Variants in PCDHA1 observed in about 807,000 individuals in gnomAD.
The protein encoded by PCDHA1 is protocadherin alpha-1.
In PCDHA1, 42 loss-of-function variants were observed where a neutral mutation model predicts 61.3. That is an observed-to-expected ratio of 0.69 (90% CI 0.54 to 0.89). The LOEUF (loss-of-function observed/expected upper bound fraction) is 0.89. Among genes scored for constraint, PCDHA1 ranks in the 40% least tolerant of loss-of-function variants. PCDHA1 has a pLI of 0.00. For missense variants in PCDHA1, 1,256 were observed against 1,235.3 expected (o/e 1.02, Z -0.25); for synonymous variants, 610 against 553.8 (o/e 1.10, Z -1.43).
intron 1 of PCDHA1, among the ~76,000 whole-genome samples, chr5:140,819,103 C>T (rs1554127603): frequency 1.3e-5 from 2 of 152,186 alleles, no homozygotes; most frequent in Admixed American, 6.5e-5. Flanking sequence ...ATTATATGCT[C>T]ATGGTATCCT....
chr5:140,883,412 A>G, intron 1 of PCDHA1: 1 of 1,614,152 alleles, frequency 6.2e-7, no homozygotes, highest in African/African-American at 1.3e-5. Context: ...CTCTGGCTCA[A>G]ATGGACAGGT....
At chr5:140,803,807 T>C in intron 1 of PCDHA1, 2 of 748,910 alleles carry the variant, frequency 2.7e-6, no homozygotes, top group Non-Finnish European at 4.2e-6. Flanking sequence ...CTTGTAATTT[T>C]GTTTTGTTAT....
At chr5:140,819,483 A>C (rs1319198819) in intron 1 of PCDHA1, among the ~76,000 whole-genome samples, 1 of 152,184 alleles carries the variant, frequency 6.6e-6, no homozygotes, top group Non-Finnish European at 1.5e-5. Flanking sequence ...AATGATGCTT[A>C]AACATGACTG....
intron 1 of PCDHA1, chr5:140,836,978 G>A (rs1774847497): frequency 2.7e-6 from 1 of 370,178 alleles, no homozygotes; most frequent in Admixed American, 4.2e-5. Context: ...TCCATTTTTG[G>A]AGGAGGACTT....
At chr5:140,829,864 G>A in intron 1 of PCDHA1, 3 of 1,613,940 alleles carry the variant, frequency 1.9e-6, no homozygotes, top group Non-Finnish European at 2.5e-6. Flanking sequence ...GCCAAGTGGT[G>A]GCGAAGGTGC....
intron 1 of PCDHA1, chr5:140,801,838 CA>C (rs1762797239): frequency 1.2e-6 from 2 of 1,613,866 alleles, no homozygotes. Context: ...CTAATAACAG[CA>C]ATTGATGGTG....
At chr5:140,879,512 G>C (rs1378276808) in intron 1 of PCDHA1, among the ~76,000 whole-genome samples, 1 of 152,156 alleles carries the variant, frequency 6.6e-6, no homozygotes, top group Non-Finnish European at 1.5e-5. Flanking sequence ...AGAGATTATT[G>C]ATATAGATTT....
chr5:140,823,731 C>A, intron 1 of PCDHA1: 1 of 1,613,874 alleles, frequency 6.2e-7, no homozygotes, highest in Non-Finnish European at 8.5e-7. Context: ...TGGTGAAGGA[C>A]CATGGAGAGC....
chr5:140,859,512 T>A, intron 1 of PCDHA1: 1 of 196,766 alleles, frequency 5.1e-6, no homozygotes, highest in South Asian at 1.4e-4. Context: ...TACCCATGAT[T>A]TCATTTTTAA....
rs111298048 is a variant in PCDHA1 at position 140,841,325 on chromosome 5, G to A, written c.2394+52641G>A. ...TGATAGGAAACGACTATTTAACATG[G>A]ATTATCACTGGCGAGGAGAGCTGGG... On this transcript the variant is annotated intron_variant, in intron 1 of 3. Coordinates refer to ENST00000504120, the MANE Select transcript of PCDHA1 (RefSeq NM_018900.4). 9,405 of 1,608,142 alleles carry A rather than the reference G, an allele frequency of 5.8e-3. 135 individuals are homozygous for A. Among genetic ancestry groups the A allele is most frequent in the Non-Finnish European group, 7.0e-3 (8,183 of 1,176,604 alleles).
At chr5:140,807,076 T>G in intron 1 of PCDHA1, 3 of 1,236,862 alleles carry the variant, frequency 2.4e-6, no homozygotes, top group Non-Finnish European at 3.4e-6. Context: ...CCATATACAC[T>G]CTTTGGAGTC....
chr5:140,861,421 T>C, intron 1 of PCDHA1: 2 of 481,940 alleles, frequency 4.1e-6, no homozygotes, highest in South Asian at 3.2e-5. Context: ...CCGCGCCTGT[T>C]TCAGTTGGAT....
chr5:140,860,414 C>T (rs1180297544), intron 1 of PCDHA1: 1 of 152,016 alleles, frequency 6.6e-6, no homozygotes, highest in Non-Finnish European at 1.5e-5. Flanking sequence ...ATAGTAACAC[C>T]ATTATCCTGC....
Position 140,926,837 on chromosome 5 carries a change from G to A in PCDHA1, c.2395-52112G>A, listed in dbSNP as rs1170899993. 11 of 1,513,410 alleles carry A rather than the reference G, an allele frequency of 7.3e-6. No individual in the cohort carries two copies. In the African/African-American group the frequency reaches 1.4e-4, roughly 19 times the overall value. 93.7% of individuals were successfully genotyped at this position (1,513,410 alleles called of 1,614,324 possible). ...GTGCTCTCCAGGAGTCCGGAGCATG[G>A]TCCTGGGTCACCGTTGGTGTAGCGT... On this transcript the variant is annotated intron_variant, in intron 1 of 3. Coordinates refer to ENST00000504120, the MANE Select transcript of PCDHA1 (RefSeq NM_018900.4).
intron 1 of PCDHA1, among the ~76,000 whole-genome samples, chr5:140,800,177 G>C (rs1762517897): frequency 6.6e-6 from 1 of 151,986 alleles, no homozygotes; most frequent in Non-Finnish European, 1.5e-5. Context: ...AAAGAGTGTG[G>C]AAAAATTAAA....
At chr5:140,822,080 G>A in intron 1 of PCDHA1, 1 of 1,614,258 alleles carries the variant, frequency 6.2e-7, no homozygotes, top group Non-Finnish European at 8.5e-7. Flanking sequence ...GCGGAGTGCA[G>A]CATCCACCTG....
intron 1 of PCDHA1, among the ~76,000 whole-genome samples, chr5:140,935,456 C>G (rs981681011): frequency 6.6e-6 from 1 of 152,150 alleles, no homozygotes; most frequent in Non-Finnish European, 1.5e-5. Flanking sequence ...GATACTGTAG[C>G]AGTTTAAGTT....
At chr5:140,884,299 G>A in intron 1 of PCDHA1, 1 of 1,613,736 alleles carries the variant, frequency 6.2e-7, no homozygotes, top group Non-Finnish European at 8.5e-7. Context: ...AAGCGCCACA[G>A]GCTTCGTCGA....
chr5:140,791,338 G>A (rs1420432251), intron 1 of PCDHA1, among the ~76,000 whole-genome samples: 1 of 152,164 alleles, frequency 6.6e-6, no homozygotes, highest in African/African-American at 2.4e-5. Flanking sequence ...TCCTGTTACA[G>A]CAATTACATA....
Sources: allele counts gnomAD v4.1 joint callset (sites outside exome capture counted in the v4.1 genomes callset), GRCh38; gene constraint gnomAD v4.1.1; transcripts MANE v1.5; gene names NCBI Gene and HGNC (gene_info 2026-07-23, HGNC 2026-07-21).